The following SCAMP1 variants were observed in gnomAD, a reference collection of about 807,000 sequenced individuals.
The protein encoded by SCAMP1 is secretory carrier membrane protein 1.
A neutral mutation model predicts 41.8 loss-of-function variants in SCAMP1; 15 were observed. That is an observed-to-expected ratio of 0.36 (90% CI 0.24 to 0.55). The LOEUF is 0.55. Among genes scored for constraint, SCAMP1 ranks in the 20% least tolerant of loss-of-function variants. The probability of loss-of-function intolerance (pLI) is 0.86; values close to 1 mark genes in which losing one functional copy is unlikely to be tolerated. For synonymous variants in SCAMP1, 135 were observed against 136.8 expected (o/e 0.99, Z 0.09); for missense variants, 341 against 412.6 (o/e 0.83, Z 1.50).
intron 6 of SCAMP1, among the ~76,000 whole-genome samples, chr5:78,443,986 A>T (rs966285678): frequency 3.3e-5 from 5 of 152,144 alleles, no homozygotes; most frequent in Non-Finnish European, 5.9e-5. Flanking sequence ...AGACTCTATT[A>T]TAAATTTAGA....
chr5:78,412,380 T>G (rs987775379), intron 2 of SCAMP1, among the ~76,000 whole-genome samples: 6 of 151,978 alleles, frequency 3.9e-5, no homozygotes, highest in Admixed American at 3.9e-4. Context: ...TTTGTCTTGT[T>G]TTGTTTTTTT....
At chr5:78,411,507 AT>A (rs1752076131) in intron 2 of SCAMP1, among the ~76,000 whole-genome samples, 2 of 152,280 alleles carry the variant, frequency 1.3e-5, no homozygotes, top group Non-Finnish European at 2.9e-5. Context: ...TTTTCATCTT[AT>A]TTTAAAATAG....
At position 78,450,093 on chromosome 5, in the gene SCAMP1, G is replaced by C. The variant is rs141612513; in HGVS notation, c.734+59G>C. ...ATCTAATATTGTAATATAATTTTTGGCTTCCTAATCTAGTTAACACAGATA... is the reference window on the plus strand; with the variant it reads ...ATCTAATATTGTAATATAATTTTTGCCTTCCTAATCTAGTTAACACAGATA... On this transcript the variant is annotated intron_variant, in intron 7 of 8. Transcript: ENST00000621999. 5,468 of 979,976 alleles carry C rather than the reference G, an allele frequency of 5.6e-3. 126 individuals carry two copies. The African/African-American group carries it at 0.059, about 11-fold the overall frequency. 60.7% of individuals were successfully genotyped at this position (979,976 alleles called of 1,614,324 possible).
At chr5:78,448,158 T>TCTCCTC (rs1156977622) in intron 6 of SCAMP1, among the ~76,000 whole-genome samples, 1 of 110,356 alleles carries the variant, frequency 9.1e-6, no homozygotes, top group East Asian at 2.4e-4. Context: ...TCTTCCTCCT[T>TCTCCTC]CTCCTCCTCC....
At chr5:78,458,832 A>G (rs1490154626) in intron 7 of SCAMP1, among the ~76,000 whole-genome samples, 1 of 152,224 alleles carries the variant, frequency 6.6e-6, no homozygotes, top group East Asian at 1.9e-4. Context: ...ATGAGCCGAG[A>G]TCATGCCACT....
intron 4 of SCAMP1, among the ~76,000 whole-genome samples, chr5:78,417,626 G>A (rs1752240420): frequency 6.6e-6 from 1 of 152,188 alleles, no homozygotes; most frequent in South Asian, 2.1e-4. Flanking sequence ...ATACAATCCT[G>A]TGAGGGGTGA....
In SCAMP1 at chr5:78,392,534, A is replaced by G. The variant is rs1226773440; in HGVS notation, c.135+3620A>G. Among the ~76,000 whole-genome samples the G allele has an allele frequency of 2.0e-5, 3 of 152,374 alleles. No individual in the cohort carries two copies. The East Asian group carries it at 5.8e-4, about 29-fold the overall frequency. ...ATATCCAGAACAAATAAAACAAAAT[A>G]TAAATCATGATTGTAAATGTTGAGA... is the stretch of plus-strand genomic sequence containing the variant. On this transcript the variant is annotated intron_variant, in intron 2 of 8. Coordinates refer to ENST00000621999, the MANE Select transcript of SCAMP1 (RefSeq NM_004866.6).
At chr5:78,366,002 C>G (rs1171648379) in intron 1 of SCAMP1, among the ~76,000 whole-genome samples, 1 of 152,062 alleles carries the variant, frequency 6.6e-6, no homozygotes, top group Non-Finnish European at 1.5e-5. Context: ...ATTTATTGCC[C>G]AGAACTCTGG....
chr5:78,475,041 G>T (rs1753973070), intron 8 of SCAMP1, among the ~76,000 whole-genome samples: 1 of 152,152 alleles, frequency 6.6e-6, no homozygotes, highest in South Asian at 2.1e-4. Flanking sequence ...TACATTAAAT[G>T]ATAAAATGAT....
At chr5:78,391,399 T>G (rs1415671663) in intron 2 of SCAMP1, among the ~76,000 whole-genome samples, 12 of 126,444 alleles carry the variant, frequency 9.5e-5, no homozygotes, top group East Asian at 2.4e-4. Flanking sequence ...GCGGCTGGCC[T>G]GGCGGGGGGC....
intron 1 of SCAMP1, among the ~76,000 whole-genome samples, chr5:78,387,076 C>A (rs143536623): frequency 1.0e-3 from 158 of 152,302 alleles, no homozygotes; most frequent in Non-Finnish European, 1.8e-3. Context: ...TTCTCTTCTT[C>A]CTCGAGAACA....
chr5:78,427,600 T>A (rs950190799), intron 6 of SCAMP1, among the ~76,000 whole-genome samples: 30 of 152,180 alleles, frequency 2.0e-4, no homozygotes, highest in Non-Finnish European at 3.2e-4. Context: ...GTGTCTAAAT[T>A]TTTAAGAAAC....
At chr5:78,391,481 G>T (rs80097333) in intron 2 of SCAMP1, among the ~76,000 whole-genome samples, 56,567 of 150,862 alleles carry the variant, frequency 0.37, 12,429 homozygotes, top group Non-Finnish European at 0.5. Context: ...CCTCCCGGAT[G>T]GGGTGGCTGC....
intron 1 of SCAMP1, among the ~76,000 whole-genome samples, chr5:78,381,435 C>T (rs147028571): frequency 1.5e-4 from 23 of 152,332 alleles, no homozygotes; most frequent in African/African-American, 5.3e-4. Flanking sequence ...GAGACTACAG[C>T]TGGACCATCT....
At chr5:78,360,828 C>T (rs1750624554) in intron 1 of SCAMP1, 100 bp downstream of exon 1, 2 of 1,230,486 alleles carry the variant, frequency 1.6e-6, no homozygotes, top group Non-Finnish European at 1.1e-6. Context: ...CTCGGCTCCC[C>T]TTAGCAGCCC....
chr5:78,457,426 C>G (rs1349716051), intron 7 of SCAMP1, among the ~76,000 whole-genome samples: 1 of 151,922 alleles, frequency 6.6e-6, no homozygotes, highest in East Asian at 1.9e-4. Flanking sequence ...AGCTGCAGGT[C>G]TGTTGGAATA....
Position 78,361,939 on chromosome 5 carries a change from T to C in SCAMP1, c.57+1211T>C, listed in dbSNP as rs1421575817. Among the ~76,000 whole-genome samples the C allele has an allele frequency of 2.0e-5, 3 of 152,258 alleles. No individual in the cohort carries two copies. The East Asian group carries it at 5.8e-4, about 29-fold the overall frequency. On this transcript the variant is annotated intron_variant, in intron 1 of 8. Transcript: ENST00000621999. The stretch of plus-strand genomic sequence containing the variant: ...ATAATTCCAAGGAGGATTATTTTAA[T>C]GAAATGACCCTGATTATTATTGACA...
intron 6 of SCAMP1, among the ~76,000 whole-genome samples, chr5:78,440,128 A>G (rs1418985283): frequency 1.3e-5 from 2 of 152,048 alleles, no homozygotes; most frequent in East Asian, 3.9e-4. Flanking sequence ...CAAGGTTTTT[A>G]GCTTCGTGAT....
At chr5:78,389,583 T>C (rs1218305978) in intron 2 of SCAMP1, among the ~76,000 whole-genome samples, 1 of 152,134 alleles carries the variant, frequency 6.6e-6, no homozygotes, top group Non-Finnish European at 1.5e-5. Flanking sequence ...AATTTAGTTT[T>C]GATTTATAAA....
Sources: gnomAD v4.1 joint callset for allele counts (sites outside exome capture counted in the v4.1 genomes callset) on GRCh38, gnomAD v4.1.1 for gene constraint, MANE v1.5 for transcripts, NCBI Gene and HGNC (gene_info 2026-07-23, HGNC 2026-07-21) for gene names.